MUC7: variants seen among roughly 807,000 people sequenced by gnomAD.
The protein encoded by MUC7 is mucin 7, secreted, also known as mucin-7.
Under a neutral mutation model 2.5 loss-of-function variants are expected in MUC7, and 2 were observed. The ratio of observed to expected loss-of-function variants is 0.81; its 90% confidence interval spans 0.33 to 2.55. The LOEUF (loss-of-function observed/expected upper bound fraction) is 2.55, where lower values mean the gene tolerates loss of function less well. MUC7 is among the 30% of genes most tolerant of loss of function. MUC7 has a pLI of 0.11. For synonymous variants in MUC7, 133 were observed against 173.4 expected, an observed-to-expected ratio of 0.77 and a Z score of 1.83; for missense variants, 408 against 455.6, an observed-to-expected ratio of 0.90 and a Z score of 0.95.
intron 2 of MUC7, among the ~76,000 whole-genome samples, chr4:70,479,795 A>G (rs1014276488): frequency 6.6e-6 from 1 of 152,222 alleles, no homozygotes; most frequent in African/African-American, 2.4e-5. Flanking sequence ...ATTTTGAAAG[A>G]CTTCTGGATC....
At chr4:70,469,478 G>C (rs1734774755), upstream of MUC7, among the ~76,000 whole-genome samples, 1 of 152,120 alleles carries the variant, frequency 6.6e-6, no homozygotes, top group Admixed American at 6.6e-5. Context: ...GCAGCCTAGA[G>C]AATGGGACAA....
chr4:70,472,418 A>G (rs1282124995), intron 1 of MUC7, 127 bp downstream of exon 1: 1 of 152,260 alleles, frequency 6.6e-6, no homozygotes, highest in Non-Finnish European at 1.5e-5. Context: ...ACTGCCAAAC[A>G]GTGTGGTAAC....
intron 1 of MUC7, among the ~76,000 whole-genome samples, chr4:70,431,567 A>T (rs760174555): frequency 3.9e-5 from 6 of 152,138 alleles, no homozygotes; most frequent in Non-Finnish European, 7.4e-5. Context: ...CTGTTTCCAG[A>T]TCAAGGTTAT....
intron 1 of MUC7, among the ~76,000 whole-genome samples, chr4:70,434,988 T>G (rs1028714716): frequency 6.6e-6 from 1 of 152,226 alleles, no homozygotes; most frequent in African/African-American, 2.4e-5. Context: ...CAGGAGCAGA[T>G]TGTTCAGTTT....
At chr4:70,471,407 G>T (rs1327795334), upstream of MUC7, among the ~76,000 whole-genome samples, 1 of 152,070 alleles carries the variant, frequency 6.6e-6, no homozygotes, top group Admixed American at 6.5e-5. Flanking sequence ...GCCAAAATTT[G>T]AGTATAAACT....
intron 1 of MUC7, among the ~76,000 whole-genome samples, chr4:70,438,456 T>TTTTGG (rs757547379): frequency 0.017 from 2,592 of 151,436 alleles, 48 homozygotes; most frequent in African/African-American, 0.05. Context: ...TTTTGTTTTG[T>TTTTGG]TTTGGTTTGG....
intron 1 of MUC7, among the ~76,000 whole-genome samples, chr4:70,466,895 T>G (rs1734698170): frequency 6.6e-6 from 1 of 152,244 alleles, no homozygotes; most frequent in African/African-American, 2.4e-5. Flanking sequence ...AACTCAACTC[T>G]GGACCAAGTG....
At chr4:70,474,542 C>A (rs574760826) in intron 2 of MUC7, among the ~76,000 whole-genome samples, 1 of 148,522 alleles carries the variant, frequency 6.7e-6, no homozygotes, top group South Asian at 2.2e-4. Flanking sequence ...GGTAGATAGA[C>A]TAGATAGATA....
intron 1 of MUC7, among the ~76,000 whole-genome samples, chr4:70,460,765 G>A (rs890364884): frequency 6.6e-5 from 10 of 152,278 alleles, no homozygotes; most frequent in Admixed American, 2.0e-4. Context: ...GGTGGACACT[G>A]GGGGATGTCA....
rs1171807844 is a variant in MUC7 at position 70,432,304 on chromosome 4, AT to A, written c.-93+1618del. Among the ~76,000 whole-genome samples the A allele has an allele frequency of 5.3e-5, 8 of 152,294 alleles. No individual in the cohort carries two copies. In the East Asian group the frequency reaches 1.5e-3, roughly 29 times the overall value. ...GGTCAAATGGTATTTCTAGTTTTAG[AT>A]CCTTGAGGAATCACCACACTGTCTT... On this transcript the variant is annotated intron_variant, in intron 1 of 3. Transcript: ENST00000413702.
chr4:70,467,221 GAC>G (rs1158679212), upstream of MUC7, among the ~76,000 whole-genome samples: 1 of 152,184 alleles, frequency 6.6e-6, no homozygotes, highest in African/African-American at 2.4e-5. Context: ...TGAGAACAAA[GAC>G]ACAACATACC....
chr4:70,456,269 A>G (rs561485512), intron 1 of MUC7, among the ~76,000 whole-genome samples: 1 of 152,202 alleles, frequency 6.6e-6, no homozygotes, highest in Non-Finnish European at 1.5e-5. Context: ...AATTTAATGT[A>G]ATACCTAAAT....
chr4:70,454,125 C>G (rs997711937), intron 1 of MUC7, among the ~76,000 whole-genome samples: 11 of 152,086 alleles, frequency 7.2e-5, no homozygotes, highest in Non-Finnish European at 1.6e-4. Flanking sequence ...AAGGGTGGCA[C>G]AGGCTCTCCA....
intron 1 of MUC7, among the ~76,000 whole-genome samples, chr4:70,454,328 G>A (rs1258258094): frequency 6.6e-6 from 1 of 152,198 alleles, no homozygotes; most frequent in East Asian, 1.9e-4. Context: ...TTCAACTGCT[G>A]GAATGAGTGA....
chr4:70,462,360 G>T (rs917757047), intron 1 of MUC7, among the ~76,000 whole-genome samples: 1 of 152,114 alleles, frequency 6.6e-6, no homozygotes. Context: ...TTTTAAAAGC[G>T]TTATTAAGAA....
At chr4:70,470,379 A>T (rs927207866), upstream of MUC7, among the ~76,000 whole-genome samples, 1 of 152,342 alleles carries the variant, frequency 6.6e-6, no homozygotes, top group Non-Finnish European at 1.5e-5. Flanking sequence ...CACATTCTGC[A>T]CATGTATCCC....
At chr4:70,438,343 A>C (rs1733914225) in intron 1 of MUC7, among the ~76,000 whole-genome samples, 1 of 152,212 alleles carries the variant, frequency 6.6e-6, no homozygotes, top group Admixed American at 6.5e-5. Context: ...AAGAAAGCTC[A>C]AATTCTTAAA....
chr4:70,464,594 A>T (rs2109730407), intron 1 of MUC7, among the ~76,000 whole-genome samples: 1 of 152,258 alleles, frequency 6.6e-6, no homozygotes, highest in Non-Finnish European at 1.5e-5. Context: ...AGGCTTGAGT[A>T]GGTGGTTTTC....
At chr4:70,460,512 T>C (rs1396092373) in intron 1 of MUC7, among the ~76,000 whole-genome samples, 1 of 151,454 alleles carries the variant, frequency 6.6e-6, no homozygotes, top group Middle Eastern at 3.2e-3. Flanking sequence ...AATCTCACTC[T>C]CCACTTGTAA....
Sources: gnomAD v4.1 joint callset for allele counts (sites outside exome capture counted in the v4.1 genomes callset) on GRCh38, gnomAD v4.1.1 for gene constraint, MANE v1.5 for transcripts, NCBI Gene and HGNC (gene_info 2026-07-23, HGNC 2026-07-21) for gene names.